GALNT9: variants seen among roughly 807,000 people sequenced by gnomAD.
The protein encoded by GALNT9 is polypeptide N-acetylgalactosaminyltransferase 9, also known as GalNAc transferase 9.
A neutral mutation model predicts 63.1 loss-of-function variants in GALNT9; 47 were observed. That is an observed-to-expected ratio of 0.75 (90% CI 0.59 to 0.95). The LOEUF is 0.95. Among genes scored for constraint, GALNT9 ranks in the 40% least tolerant of loss-of-function variants. The probability of loss-of-function intolerance (pLI) is 0.00; values close to 1 mark genes in which losing one functional copy is unlikely to be tolerated. For missense variants in GALNT9, 829 were observed against 874.8 expected (o/e 0.95, Z 0.66); for synonymous variants, 396 against 365.7 (o/e 1.08, Z -0.94).
At chr12:132,222,664 G>A (rs889518184) in intron 6 of GALNT9, among the ~76,000 whole-genome samples, 6 of 151,892 alleles carry the variant, frequency 4.0e-5, no homozygotes, top group Admixed American at 6.6e-5. Context: ...CAGAGACGCC[G>A]CAGAGGCACT....
At chr12:132,322,097 T>C (rs1868829827) in intron 1 of GALNT9, among the ~76,000 whole-genome samples, 1 of 152,198 alleles carries the variant, frequency 6.6e-6, no homozygotes, top group Non-Finnish European at 1.5e-5. Flanking sequence ...TCTTATCTAA[T>C]TACTTCTGCA....
At chr12:132,289,609 G>A (rs1880731963) in intron 1 of GALNT9, among the ~76,000 whole-genome samples, 1 of 152,216 alleles carries the variant, frequency 6.6e-6, no homozygotes, top group Non-Finnish European at 1.5e-5. Context: ...CACTTGCATG[G>A]GGGTTAGGGG....
rs186543597 is a variant in GALNT9, at chr12:132,305,655, G to A, written c.239-19225C>T. 6.7e-4 allele frequency among the ~76,000 whole-genome samples: 102 copies of A among 151,806 alleles called. No homozygotes were observed. In the East Asian group the frequency reaches 0.014, roughly 21 times the overall value. On this transcript the variant is annotated intron_variant, in intron 1 of 10. Transcript: ENST00000328957. ...CCCTCACCCGGACACGCCCTCGCCC[G>A]GGCACAGCCTCGCCTGGACACACCC...
intron 6 of GALNT9, among the ~76,000 whole-genome samples, chr12:132,228,679 G>GTGTGCAA (rs1877791892): frequency 6.6e-6 from 1 of 152,190 alleles, no homozygotes. Flanking sequence ...GGTGCCTTCC[G>GTGTGCAA]TGTGCAAGAG....
chr12:132,257,892 G>A lies in GALNT9; in HGVS notation c.762-6C>T. 6.6e-7 allele frequency: 1 copy of A among 1,524,364 alleles called. No homozygotes were observed. The allele number at this position is 1,524,364 out of a possible 1,614,324, so 94.4% of individuals were successfully genotyped here. A position where few individuals can be genotyped will look rare whatever the true frequency, so the allele number is the denominator to read the frequency against. ...GCGACAGTGCGGGCTCGGCCCTGCG[G>A]AGGCACAGCTGTGAGGAGGGGCGGC... On this transcript the variant is annotated splice_polypyrimidine_tract_variant and splice_region_variant and intron_variant, in intron 4 of 10. Coordinates refer to ENST00000328957, the MANE Select transcript of GALNT9 (RefSeq NM_001122636.2).
At position 132,265,419 on chromosome 12, in the gene GALNT9, C is replaced by T. The variant is rs1319666332; in HGVS notation, c.420-2794G>A. ...GATCTCGGAAACACATCTTCTGGCC[C>T]GGGTTTAATCTCAGAAGGGCCTGTC... On this transcript the variant is annotated intron_variant, in intron 2 of 10. Transcript: ENST00000328957. This position sits in a 1 kb window ranked among gnomAD's most constrained non-coding sequence, Gnocchi z 5.3. Among the ~76,000 whole-genome samples the T allele has an allele frequency of 1.3e-5, 2 of 152,138 alleles. No individual in the cohort carries two copies. The highest frequency in any genetic ancestry group is 1.3e-4 in the Admixed American group (2 of 15,282).
intron 5 of GALNT9, among the ~76,000 whole-genome samples, chr12:132,256,293 C>T (rs2135540230): frequency 6.6e-6 from 1 of 151,952 alleles, no homozygotes; most frequent in East Asian, 2.0e-4. Flanking sequence ...ATCACGCAGA[C>T]ACTCTCTTCC....
rs1881758240 is a variant in GALNT9, at chr12:132,310,054, G to T, written c.238+18912C>A. Among the ~76,000 whole-genome samples, 1 of 152,246 alleles carries T rather than the reference G, an allele frequency of 6.6e-6. No homozygotes were observed. The highest frequency in any genetic ancestry group is 1.5e-5 in the Non-Finnish European group (1 of 68,040). On this transcript the variant is annotated intron_variant, in intron 1 of 10. Coordinates refer to ENST00000328957, the MANE Select transcript of GALNT9 (RefSeq NM_001122636.2). This position sits in a 1 kb window ranked among gnomAD's most constrained non-coding sequence, Gnocchi z 4.8. ...TTTCTGAGAAATATGTCTAAAAAAG[G>T]AGACTGCTGGAATCTGAGGTTTTCA...
At chr12:132,200,953 G>C in intron 8 of GALNT9, 171 bp downstream of exon 8, 1 of 618,908 alleles carries the variant, frequency 1.6e-6, no homozygotes, top group Non-Finnish European at 2.8e-6. Flanking sequence ...ATGCACACGT[G>C]TGTGCAGGAG....
chr12:132,208,740 G>A (rs945786825), intron 6 of GALNT9, among the ~76,000 whole-genome samples: 9 of 152,206 alleles, frequency 5.9e-5, no homozygotes, highest in African/African-American at 1.9e-4. Context: ...CCAACCCAGA[G>A]TTGTGGGCCA....
rs1877996201 is a variant in GALNT9, at chr12:132,236,221, T to G, written c.1077+11689A>C. Among the ~76,000 whole-genome samples the G allele has an allele frequency of 5.3e-5, 8 of 151,992 alleles. No homozygotes were observed. The highest frequency in any genetic ancestry group is 5.2e-4 in the Admixed American group (8 of 15,272). ...AATGCCAGCCTCCCTCCCCCAGGCATCGATCTCGTGAATAAATCAGCAATG... is the reference window on the plus strand; with the variant it reads ...AATGCCAGCCTCCCTCCCCCAGGCAGCGATCTCGTGAATAAATCAGCAATG... On this transcript the variant is annotated intron_variant, in intron 6 of 10. Coordinates refer to ENST00000328957, the MANE Select transcript of GALNT9 (RefSeq NM_001122636.2). The surrounding 1 kb of genome is among the most constrained non-coding windows in gnomAD (Gnocchi z 5.6).
chr12:132,260,557 C>A (rs928044913), intron 4 of GALNT9, among the ~76,000 whole-genome samples: 3 of 152,232 alleles, frequency 2.0e-5, no homozygotes, highest in African/African-American at 7.2e-5. Context: ...CTTAGCCCCA[C>A]CCCACCTGAT....
At position 132,260,702 on chromosome 12, in the gene GALNT9, C is replaced by T. The variant is rs2135544058; in HGVS notation, c.761+246G>A. ...CCTGGGAGCTTCTAAGCGCCATGTC[C>T]TTGGGTGCGTGCTGGGCCTGCCCTC... On this transcript the variant is annotated intron_variant, in intron 4 of 10. Coordinates refer to ENST00000328957, the MANE Select transcript of GALNT9 (RefSeq NM_001122636.2). Among the ~76,000 whole-genome samples the T allele has an allele frequency of 1.3e-5, 2 of 152,336 alleles. 1 individual carries two copies. The highest frequency in any genetic ancestry group is 4.1e-4 in the South Asian group (2 of 4,830).
At chr12:132,266,479 A>T (rs1295378604) in intron 2 of GALNT9, among the ~76,000 whole-genome samples, 1 of 152,242 alleles carries the variant, frequency 6.6e-6, no homozygotes, top group Non-Finnish European at 1.5e-5. Context: ...GAGAGGGCAG[A>T]GGAAATGCAA....
rs1307723025 is a variant in GALNT9, at chr12:132,230,073, G to A, written c.1077+17837C>T. Among the ~76,000 whole-genome samples, 7 of 152,146 alleles carry A rather than the reference G, an allele frequency of 4.6e-5. No homozygotes were observed. The South Asian group carries it at 1.0e-3, about 22-fold the overall frequency. ...GCTGCATCCATCAACAGTCGCCACC[G>A]GGTCATCCAAGGTGGGGCACAGAGG... On this transcript the variant is annotated intron_variant, in intron 6 of 10. Transcript: ENST00000328957.
At chr12:132,237,970 G>A (rs2136895747) in intron 6 of GALNT9, among the ~76,000 whole-genome samples, 3 of 152,172 alleles carry the variant, frequency 2.0e-5, no homozygotes, top group African/African-American at 7.2e-5. Flanking sequence ...CCCAGCGTGC[G>A]GCCTAGACCC....
At chr12:132,257,666 C>G in intron 5 of GALNT9, 23 bp downstream of exon 5, 1 of 1,534,072 alleles carries the variant, frequency 6.5e-7, no homozygotes, top group Non-Finnish European at 8.8e-7. Flanking sequence ...GGGCCGCCCT[C>G]GACCCCTGAG....
chr12:132,267,766 T>TGCACTCACCCAC (rs1879666257), intron 2 of GALNT9, among the ~76,000 whole-genome samples: 1 of 139,814 alleles, frequency 7.2e-6, no homozygotes, highest in African/African-American at 3.1e-5. Flanking sequence ...CACACACACA[T>TGCACTCACCCAC]GCACTCACAC....
In GALNT9 at chr12:132,213,511, G is replaced by A. The variant is rs952515974; in HGVS notation, c.1078-9821C>T. ...ACACGCACTCCACTCACACACAGGC[G>A]CACTCACACACACGCACTCCCACCC... On this transcript the variant is annotated intron_variant, in intron 6 of 10. Transcript: ENST00000328957. 4.8e-5 allele frequency among the ~76,000 whole-genome samples: 7 copies of A among 146,704 alleles called. No individual in the cohort carries two copies. The East Asian group carries it at 8.2e-4, about 17-fold the overall frequency.
Sources: allele counts gnomAD v4.1 joint callset (sites outside exome capture counted in the v4.1 genomes callset), GRCh38; gene constraint gnomAD v4.1.1; non-coding constraint Gnocchi (gnomAD v3.1); transcripts MANE v1.5; gene names NCBI Gene and HGNC (gene_info 2026-07-23, HGNC 2026-07-21).